The following BICC1 variants were observed in gnomAD, a reference collection of about 807,000 sequenced individuals.
BICC1 encodes the protein BicC family RNA binding protein 1.
A neutral mutation model predicts 111.0 loss-of-function variants in BICC1; 43 were observed. That is an observed-to-expected ratio of 0.39 (90% CI 0.30 to 0.50). BICC1 has a LOEUF of 0.50. Ranked by LOEUF, BICC1 falls within the 20% of genes least tolerant of loss-of-function variation. The probability of loss-of-function intolerance (pLI) is 0.88; values close to 1 mark genes in which losing one functional copy is unlikely to be tolerated. For synonymous variants in BICC1, 467 were observed against 434.4 expected, an observed-to-expected ratio of 1.07 and a Z score of -0.93; for missense variants, 1,091 against 1,203.2, an observed-to-expected ratio of 0.91 and a Z score of 1.38.
chr10:58,717,039 T>C (rs1424890576), intron 3 of BICC1, among the ~76,000 whole-genome samples: 1 of 152,196 alleles, frequency 6.6e-6, no homozygotes, highest in Non-Finnish European at 1.5e-5. Context: ...ATAATGAATA[T>C]TTTTTAGCAT....
At chr10:58,745,607 C>CCCG (rs1554827843) in intron 3 of BICC1, among the ~76,000 whole-genome samples, 2 of 128,104 alleles carry the variant, frequency 1.6e-5, no homozygotes, top group African/African-American at 2.8e-5. Flanking sequence ...CCACCGCCCC[C>CCCG]CCCCCACATT....
At chr10:58,782,104 T>C (rs1842898564) in intron 3 of BICC1, among the ~76,000 whole-genome samples, 1 of 152,184 alleles carries the variant, frequency 6.6e-6, no homozygotes, top group African/African-American at 2.4e-5. Flanking sequence ...TGAATGAAAG[T>C]GTATTTTCTG....
chr10:58,597,833 G>A (rs1257160406), intron 1 of BICC1, among the ~76,000 whole-genome samples: 1 of 151,992 alleles, frequency 6.6e-6, no homozygotes, highest in Non-Finnish European at 1.5e-5. Flanking sequence ...CAACCCCGCA[G>A]GCAGTCAGAC....
chr10:58,684,765 T>G (rs1839658199), intron 2 of BICC1, among the ~76,000 whole-genome samples: 1 of 152,196 alleles, frequency 6.6e-6, no homozygotes, highest in Non-Finnish European at 1.5e-5. Flanking sequence ...TTCTTCTCTC[T>G]TCTTTATTAG....
intron 1 of BICC1, among the ~76,000 whole-genome samples, chr10:58,555,142 G>A (rs962308368): frequency 1.2e-4 from 18 of 151,528 alleles, no homozygotes; most frequent in Admixed American, 1.3e-4. Context: ...AATTATTTGG[G>A]GGAAAATACA....
At chr10:58,801,173 CT>C (rs1564622091) in intron 14 of BICC1, 127 bp downstream of exon 14, 5 of 815,208 alleles carry the variant, frequency 6.1e-6, no homozygotes, top group Non-Finnish European at 8.6e-6. Context: ...TTCATTTTAA[CT>C]TTTTTAAAAA....
intron 2 of BICC1, among the ~76,000 whole-genome samples, chr10:58,685,903 T>C (rs4433523): frequency 1 from 151,907 of 152,310 alleles, 75,753 homozygotes; most frequent in Middle Eastern, 1. Flanking sequence ...TTGATCCTGT[T>C]ATTATGATGT....
At chr10:58,773,619 T>C (rs1489564967) in intron 3 of BICC1, among the ~76,000 whole-genome samples, 1 of 152,194 alleles carries the variant, frequency 6.6e-6, no homozygotes, top group Non-Finnish European at 1.5e-5. Flanking sequence ...CATGGAGCCA[T>C]GCAGCCACTG....
At chr10:58,761,707 G>T (rs1206272865) in intron 3 of BICC1, among the ~76,000 whole-genome samples, 1 of 152,084 alleles carries the variant, frequency 6.6e-6, no homozygotes, top group Non-Finnish European at 1.5e-5. Flanking sequence ...AATGAAGGAT[G>T]TAATTGGGCT....
chr10:58,565,166 A>G (rs759956858), intron 1 of BICC1, among the ~76,000 whole-genome samples: 1 of 152,146 alleles, frequency 6.6e-6, no homozygotes, highest in Non-Finnish European at 1.5e-5. Flanking sequence ...CATATTTAGG[A>G]TTTTATTAGC....
chr10:58,661,243 C>T (rs1162828902), intron 2 of BICC1, among the ~76,000 whole-genome samples: 1 of 149,348 alleles, frequency 6.7e-6, no homozygotes, highest in Non-Finnish European at 1.5e-5. Flanking sequence ...CTGAAGTTCT[C>T]TCATGCCAAT....
At chr10:58,555,872 G>A (rs1357590692) in intron 1 of BICC1, among the ~76,000 whole-genome samples, 1 of 152,110 alleles carries the variant, frequency 6.6e-6, no homozygotes, top group Admixed American at 6.6e-5. Flanking sequence ...TCTGTGTGTG[G>A]TATTGGTTCT....
In BICC1 at chr10:58,784,989, T is replaced by A. The variant is rs750263349; in HGVS notation, c.308-12T>A. ...GGGAGTTTCACACAAGCCTTTTATT[T>A]CTTTCTTATAGATCCCCATATTAAG... On this transcript the variant is annotated splice_polypyrimidine_tract_variant and intron_variant, in intron 3 of 20. Transcript: ENST00000373886. 1 of 1,491,646 alleles carries A rather than the reference T, an allele frequency of 6.7e-7. No homozygotes were observed. Among genetic ancestry groups the A allele is most frequent in the South Asian group, 1.2e-5 (1 of 82,642 alleles). 92.4% of individuals were successfully genotyped at this position (1,491,646 alleles called of 1,614,324 possible). A position where few individuals can be genotyped will look rare whatever the true frequency, so the allele number is the denominator to read the frequency against.
chr10:58,660,776 G>A (rs1838818258), intron 2 of BICC1, among the ~76,000 whole-genome samples: 1 of 152,144 alleles, frequency 6.6e-6, no homozygotes, highest in Non-Finnish European at 1.5e-5. Context: ...CACCTCCTCA[G>A]GAGGAGAGGA....
intron 1 of BICC1, among the ~76,000 whole-genome samples, chr10:58,555,026 T>A (rs367580420): frequency 6.6e-6 from 1 of 152,058 alleles, no homozygotes; most frequent in Non-Finnish European, 1.5e-5. Context: ...GGTTTTGTTA[T>A]AAATACCTTA....
chr10:58,730,887 G>C (rs1347976423), intron 3 of BICC1, among the ~76,000 whole-genome samples: 2 of 152,088 alleles, frequency 1.3e-5, no homozygotes, highest in Non-Finnish European at 2.9e-5. Flanking sequence ...GCCCCCCTAG[G>C]CCTCCCTGCC....
chr10:58,798,362 T>A (rs1443597651), intron 10 of BICC1, 37 bp from the exon 11 acceptor site: 9 of 1,474,172 alleles, frequency 6.1e-6, no homozygotes, highest in African/African-American at 1.4e-5. Context: ...AAATCTTAAA[T>A]TTATGTGAAT....
chr10:58,721,970 G>T (rs1202957664), intron 3 of BICC1, among the ~76,000 whole-genome samples: 3 of 152,124 alleles, frequency 2.0e-5, no homozygotes, highest in Non-Finnish European at 4.4e-5. Flanking sequence ...AAATATTTCC[G>T]TTACTAACAA....
chr10:58,666,186 C>G (rs1213280220), intron 2 of BICC1, among the ~76,000 whole-genome samples: 1 of 152,160 alleles, frequency 6.6e-6, no homozygotes, highest in African/African-American at 2.4e-5. Context: ...GTAAAATGAC[C>G]TACTTTCACT....
Sources: gnomAD v4.1 joint callset for allele counts (sites outside exome capture counted in the v4.1 genomes callset) on GRCh38, gnomAD v4.1.1 for gene constraint, MANE v1.5 for transcripts, NCBI Gene and HGNC (gene_info 2026-07-23, HGNC 2026-07-21) for gene names.